OR2L13: variants seen among roughly 807,000 people sequenced by gnomAD.
OR2L13 encodes olfactory receptor 2L13.
Under a neutral mutation model 15.3 loss-of-function variants are expected in OR2L13, and 14 were observed. That is an observed-to-expected ratio of 0.91 (90% CI 0.60 to 1.43). The LOEUF is 1.43. Among genes scored for constraint, OR2L13 ranks in the 40% most tolerant of loss-of-function variants. OR2L13 has a pLI of 0.00. For missense variants in OR2L13, 367 were observed against 387.9 expected, an observed-to-expected ratio of 0.95 and a Z score of 0.45; for synonymous variants, 152 against 142.9, an observed-to-expected ratio of 1.06 and a Z score of -0.45.
At chr1:247,937,526 C>T in the OR2L13 span, 2 of 157,264 alleles carry the variant, frequency 1.3e-5, no homozygotes, top group African/African-American at 4.9e-5. Context: ...AACCCCTCAG[C>T]TACGGGGCTG....
chr1:248,005,795 G>A, the OR2L13 span, among the ~76,000 whole-genome samples: 1 of 152,070 alleles, frequency 6.6e-6, no homozygotes, highest in African/African-American at 2.4e-5. Flanking sequence ...TTATTTCAAT[G>A]CTTTTGAAAT....
At chr1:247,977,890 A>T in the OR2L13 span, among the ~76,000 whole-genome samples, 1 of 152,144 alleles carries the variant, frequency 6.6e-6, no homozygotes, top group African/African-American at 2.4e-5. Flanking sequence ...TAGTGACTCC[A>T]TCACTCACTT....
chr1:248,075,087 C>T, the OR2L13 span, among the ~76,000 whole-genome samples: 5 of 151,858 alleles, frequency 3.3e-5, no homozygotes, highest in Non-Finnish European at 7.4e-5. Flanking sequence ...GTGATCTCAT[C>T]GTTCAATTCC....
At chr1:248,083,403 G>C in the OR2L13 span, 1 of 453,844 alleles carries the variant, frequency 2.2e-6, no homozygotes. Context: ...TTATATCATG[G>C]GGTTGTTTTA....
At chr1:247,962,287 T>C in the OR2L13 span, among the ~76,000 whole-genome samples, 1 of 152,154 alleles carries the variant, frequency 6.6e-6, no homozygotes, top group Non-Finnish European at 1.5e-5. Flanking sequence ...TCTTAATTAG[T>C]GGAGACAGCT....
At chr1:248,006,744 C>T in the OR2L13 span, among the ~76,000 whole-genome samples, 5,821 of 152,114 alleles carry the variant, frequency 0.038, 136 homozygotes, top group African/African-American at 0.057. Context: ...CTAAAGAAGG[C>T]TTGAGAGAGC....
chr1:247,963,070 A>G, the OR2L13 span, among the ~76,000 whole-genome samples: 2 of 152,194 alleles, frequency 1.3e-5, no homozygotes, highest in Non-Finnish European at 2.9e-5. Context: ...GGAATTCAAG[A>G]GCAAGCCAAC....
upstream of OR2L13, among the ~76,000 whole-genome samples, chr1:248,096,575 A>G (rs927245153): frequency 6.6e-6 from 1 of 152,190 alleles, no homozygotes; most frequent in African/African-American, 2.4e-5. Context: ...AGGACCTACT[A>G]TGTGCTGAAC....
chr1:248,089,901 C>T, the OR2L13 span, among the ~76,000 whole-genome samples: 47 of 152,198 alleles, frequency 3.1e-4, no homozygotes, highest in African/African-American at 1.0e-3. Context: ...TAACCAATCA[C>T]AAATCAGAAA....
the OR2L13 span, among the ~76,000 whole-genome samples, chr1:248,052,721 A>G: frequency 0.022 from 3,281 of 151,892 alleles, 121 homozygotes; most frequent in African/African-American, 0.075. Flanking sequence ...ACAGAGTGAG[A>G]CTCCATCTCA....
chr1:248,099,496 A>G (rs1007466038), exon 3 of OR2L13: 5 of 1,613,754 alleles, frequency 3.1e-6, no homozygotes, highest in African/African-American at 2.7e-5. Context: ...CTCGGTGGGT[A>G]ACTCGGCCAT....
the OR2L13 span, among the ~76,000 whole-genome samples, chr1:247,976,440 A>G: frequency 6.6e-6 from 1 of 152,186 alleles, no homozygotes; most frequent in African/African-American, 2.4e-5. Flanking sequence ...CATCAACATT[A>G]TTTCCATAAA....
At chr1:247,966,354 C>T in the OR2L13 span, 1 of 1,587,690 alleles carries the variant, frequency 6.3e-7, no homozygotes, top group East Asian at 2.2e-5. Flanking sequence ...GCATTAACAA[C>T]ATAAAAAGCT....
At chr1:248,006,930 G>A in the OR2L13 span, among the ~76,000 whole-genome samples, 3 of 152,102 alleles carry the variant, frequency 2.0e-5, no homozygotes, top group Non-Finnish European at 4.4e-5. Context: ...TTGTTTATAG[G>A]TTACCCCATT....
the OR2L13 span, among the ~76,000 whole-genome samples, chr1:248,025,583 G>A: frequency 3.4e-5 from 5 of 148,658 alleles, no homozygotes; most frequent in East Asian, 2.0e-4. Flanking sequence ...ATTTGACCCA[G>A]CCATCCCATT....
the OR2L13 span, among the ~76,000 whole-genome samples, chr1:248,048,253 A>G: frequency 6.6e-6 from 1 of 152,342 alleles, no homozygotes; most frequent in South Asian, 2.1e-4. Flanking sequence ...TATTCACTTT[A>G]TATTCTTTAC....
At chr1:247,988,551 A>T in the OR2L13 span, among the ~76,000 whole-genome samples, 1 of 152,076 alleles carries the variant, frequency 6.6e-6, no homozygotes, top group Non-Finnish European at 1.5e-5. Flanking sequence ...TGTTTAAGTG[A>T]GTGTACATCT....
the OR2L13 span, among the ~76,000 whole-genome samples, chr1:248,049,116 G>A: frequency 1.3e-5 from 2 of 152,070 alleles, no homozygotes; most frequent in African/African-American, 2.4e-5. Context: ...GACTCAAGAC[G>A]ACCATCCTCC....
the OR2L13 span, among the ~76,000 whole-genome samples, chr1:248,076,646 C>G: frequency 1.3e-5 from 2 of 150,396 alleles, no homozygotes; most frequent in Admixed American, 1.3e-4. Context: ...GGCTCTCTGT[C>G]TGTTAATGAT....
Sources: gnomAD v4.1 joint callset for allele counts (sites outside exome capture counted in the v4.1 genomes callset) on GRCh38, gnomAD v4.1.1 for gene constraint, MANE v1.5 for transcripts, NCBI Gene and HGNC (gene_info 2026-07-23, HGNC 2026-07-21) for gene names.